Variants in NEK9 observed in about 807,000 individuals in gnomAD.
The protein encoded by NEK9 is serine/threonine-protein kinase Nek9.
Under a neutral mutation model 123.4 loss-of-function variants are expected in NEK9, and 75 were observed. The ratio of observed to expected loss-of-function variants is 0.61; its 90% CI spans 0.50 to 0.74. The LOEUF is 0.74. Ranked by LOEUF, NEK9 falls within the 30% of genes least tolerant of loss-of-function variation. The pLI, the probability that NEK9 is intolerant of heterozygous loss-of-function variation, is 0.00. For synonymous variants in NEK9, 438 were observed against 458.7 expected (o/e 0.95, Z 0.58); for missense variants, 952 against 1,214.4 (o/e 0.78, Z 3.21).
chr14:75,120,835 T>C, intron 3 of NEK9: 1 of 587,826 alleles, frequency 1.7e-6, no homozygotes. Flanking sequence ...GTAGGAAAAT[T>C]CAGGAAGAAT....
chr14:75,122,789 CTTTTTTTTTTTT>C (rs35799337), intron 2 of NEK9, among the ~76,000 whole-genome samples: 18 of 80,108 alleles, frequency 2.2e-4, no homozygotes, highest in African/African-American at 9.1e-4. Context: ...CCACGCCCAG[CTTTTTTTTTTTT>C]TTTTTTTTTT....
At chr14:75,088,376 C>G in intron 20 of NEK9, 104 bp downstream of exon 20, 1 of 1,102,092 alleles carries the variant, frequency 9.1e-7, no homozygotes, top group Non-Finnish European at 1.3e-6. Context: ...TGAGTTGATG[C>G]AGGGCAGCTG....
chr14:75,095,430 C>G lies in NEK9; in HGVS notation c.2175G>C (p.Glu725Asp). 1 of 1,611,494 alleles carries G rather than the reference C, an allele frequency of 6.2e-7. No homozygotes were observed. Among genetic ancestry groups the G allele is most frequent in the Non-Finnish European group, 8.5e-7 (1 of 1,178,120 alleles). ...CRGWHTILIVEKVLNSKTIRS... is the reference protein window; with the variant it reads ...CRGWHTILIVDKVLNSKTIRS... ...GGATGGTCTTAGAATTCAATACTTT[C>G]TCTGAGAAAAAATATTTGGTAGGTA... Residue 725 changes from glutamate to aspartate, a missense_variant and splice_region_variant, in exon 18 of 22, where the codon GAG becomes GAC. Around this residue, in one of 4 missense-constraint regions of NEK9, gnomAD observed 698 missense variants for 875.6 expected, o/e 0.80. Transcript: ENST00000238616.
rs118070224 is a variant in NEK9 at position 75,093,243 on chromosome 14, G to A, written c.2234-1765C>T. Among the ~76,000 whole-genome samples, 247 of 152,234 alleles carry A rather than the reference G, an allele frequency of 1.6e-3. 1 individual carries two copies. The highest frequency in any genetic ancestry group is 2.5e-3 in the Admixed American group (38 of 15,266). On this transcript the variant is annotated intron_variant, in intron 18 of 21. Coordinates refer to ENST00000238616, the MANE Select transcript of NEK9 (RefSeq NM_033116.6). The stretch of plus-strand genomic sequence containing the variant: ...GGTAGCTACTATACTGAACAGCACC[G>A]ATATGGAACATTTCCATTGTTGCAA...
chr14:75,099,736 C>T (rs1280558836), intron 16 of NEK9, among the ~76,000 whole-genome samples: 15 of 147,044 alleles, frequency 1.0e-4, no homozygotes, highest in Non-Finnish European at 2.1e-4. Context: ...GAGCTGAGAT[C>T]GCGCCACTGC....
intron 1 of NEK9, 106 bp downstream of exon 1, chr14:75,126,597 C>T (rs539566928): frequency 3.8e-6 from 3 of 784,470 alleles, no homozygotes; most frequent in Non-Finnish European, 5.6e-6. Context: ...ACCCCGTGGG[C>T]GCCTAAAGCA....
At chr14:75,115,916 A>G (rs1895127102) in intron 6 of NEK9, among the ~76,000 whole-genome samples, 1 of 152,244 alleles carries the variant, frequency 6.6e-6, no homozygotes, top group South Asian at 2.1e-4. Context: ...TTGTCCATAA[A>G]GCAATGACAA....
At chr14:75,101,617 C>T (rs770733268) in intron 15 of NEK9, 40 bp downstream of exon 15, 1 of 1,374,200 alleles carries the variant, frequency 7.3e-7, no homozygotes, top group East Asian at 2.3e-5. Flanking sequence ...AAAAGAGGCT[C>T]AGCTACTAAG....
chr14:75,091,437 C>A lies in NEK9; in HGVS notation c.2275G>T (p.Gly759Cys). The change falls in exon 19 of 22, where the codon GGT becomes TGT. Residue 759 changes from glycine (G) to cysteine (C), a missense_variant. Gly to Cys is a radical substitution (Grantham distance 159). Transcript: ENST00000238616. ...TGCTGACTGTCCTCTTCTTCACCAC[C>A]GCCGCCCCCGCCGCCTCCTCCCGGG... The part of the protein sequence containing the change: ...SSPGGGGGGG[G>C]GEEEDSQQES... 6.2e-7 allele frequency: 1 copy of A among 1,606,454 alleles called. No homozygotes were observed. The highest frequency in any genetic ancestry group is 2.2e-5 in the East Asian group (1 of 44,836).
At chr14:75,107,978 C>T (rs190646018) in intron 10 of NEK9, among the ~76,000 whole-genome samples, 15 of 152,182 alleles carry the variant, frequency 9.9e-5, no homozygotes, top group Admixed American at 5.2e-4. Context: ...TTGCTTTCTA[C>T]AGGAATATAG....
intron 3 of NEK9, chr14:75,120,827 A>G (rs2139805633): frequency 1.7e-6 from 1 of 585,842 alleles, no homozygotes; most frequent in Non-Finnish European, 3.0e-6. Context: ...GCAGACATGT[A>G]GGAAAATTCA....
At chr14:75,097,354 C>G (rs1894424016) in intron 16 of NEK9, 84 bp from the exon 17 acceptor site, 3 of 1,144,140 alleles carry the variant, frequency 2.6e-6, no homozygotes, top group Non-Finnish European at 1.2e-6. Flanking sequence ...TATCCTAGAG[C>G]TAGAAAGACT....
At chr14:75,099,601 G>A (rs542658111) in intron 16 of NEK9, among the ~76,000 whole-genome samples, 64 of 151,224 alleles carry the variant, frequency 4.2e-4, no homozygotes, top group African/African-American at 1.5e-3. Context: ...GGCTAACAGG[G>A]CAAAACCCCA....
chr14:75,124,078 G>A lies in NEK9; in HGVS notation c.365C>T (p.Thr122Ile). Residue 122 changes from threonine (T) to isoleucine (I), a missense_variant, in exon 2 of 22, where the codon ACC becomes ATC. Thr to Ile is a moderately conservative substitution (Grantham distance 89, BLOSUM62 -1). Around this residue, in one of 4 missense-constraint regions of NEK9, gnomAD observed 106 missense variants for 153.0 expected, o/e 0.69. Coordinates refer to ENST00000238616, the MANE Select transcript of NEK9 (RefSeq NM_033116.6). ...IAYYNHFMDNTTLLIELEYCN... is the reference protein window; with the variant it reads ...IAYYNHFMDNITLLIELEYCN... The stretch of plus-strand genomic sequence containing the variant: ...ATATTCCAGCTCAATCAGCAGCGTG[G>A]TATTGTCCATGAAGTGATTGTAGTA... 2.5e-6 allele frequency: 4 copies of A among 1,613,602 alleles called. No homozygotes were observed. The East Asian group carries it at 8.9e-5, about 36-fold the overall frequency.
At chr14:75,126,620 C>A in intron 1 of NEK9, 83 bp downstream of exon 1, 2 of 1,142,784 alleles carry the variant, frequency 1.8e-6, no homozygotes, top group Non-Finnish European at 1.2e-6. Flanking sequence ...AAGCTCACGA[C>A]GCTGGGAAAG....
rs748915972 is a variant in NEK9 at position 75,106,504 on chromosome 14, T to C, written c.1526A>G (p.Tyr509Cys). Residue 509 changes from tyrosine (Y) to cysteine (C), a missense_variant and splice_region_variant, in exon 12 of 22, where the codon TAT (tyrosine) becomes TGT (cysteine). Transcript: ENST00000238616. ...KEVYSWGCGE[Y>C]GRLGLDSEED... ...GACAGAGACAAGGCTACCCCTACCA[T>C]ATTCGCCACAGCCCCAAGAATAGAC... The C allele has an allele frequency of 1.3e-5, 21 of 1,606,774 alleles. No homozygotes were observed. Among genetic ancestry groups the C allele is most frequent in the Non-Finnish European group, 1.6e-5 (19 of 1,175,544 alleles).
chr14:75,096,747 G>A (rs547888838), intron 17 of NEK9: 18 of 160,766 alleles, frequency 1.1e-4, no homozygotes, highest in South Asian at 2.0e-4. Context: ...GAACCCAAGA[G>A]GCGGAGGTTG....
At chr14:75,120,412 T>A in intron 4 of NEK9, 98 bp downstream of exon 4, 1 of 757,026 alleles carries the variant, frequency 1.3e-6, no homozygotes, top group Non-Finnish European at 2.2e-6. Context: ...AACTCTTGGC[T>A]GCTTAACCAA....
chr14:75,086,704 G>A (rs943299611), intron 21 of NEK9: 12 of 272,166 alleles, frequency 4.4e-5, no homozygotes, highest in South Asian at 2.9e-4. Context: ...TCAAGTGATC[G>A]AGACCATCCT....
Sources: gnomAD v4.1 joint callset for allele counts (sites outside exome capture counted in the v4.1 genomes callset) on GRCh38, gnomAD v4.1.1 for gene constraint, gnomAD v4.1.1 regional missense constraint, MANE v1.5 for transcripts, NCBI Gene and HGNC (gene_info 2026-07-23, HGNC 2026-07-21) for gene names.